UTRN: variants seen among roughly 807,000 people sequenced by gnomAD.
UTRN encodes utrophin, also known as dystrophin-related protein 1.
Under a neutral mutation model 463.9 loss-of-function variants are expected in UTRN, and 283 were observed. The observed-to-expected ratio is 0.61, with a 90% CI of 0.55 to 0.67. UTRN has a LOEUF of 0.67. Among genes scored for constraint, UTRN ranks in the 30% least tolerant of loss-of-function variants. The pLI is 0.00. For synonymous variants in UTRN, 1,442 were observed against 1,431.5 expected, an observed-to-expected ratio of 1.01 and a Z score of -0.17; for missense variants, 3,922 against 4,084.3, an observed-to-expected ratio of 0.96 and a Z score of 1.08.
intron 27 of UTRN, among the ~76,000 whole-genome samples, chr6:144,484,876 C>T (rs1018589752): frequency 3.3e-5 from 5 of 152,008 alleles, no homozygotes; most frequent in African/African-American, 1.2e-4. Context: ...CTTTGCTCCC[C>T]ACCCTTCACC....
At chr6:144,612,740 C>A (rs1805656674) in intron 51 of UTRN, among the ~76,000 whole-genome samples, 1 of 151,980 alleles carries the variant, frequency 6.6e-6, no homozygotes, top group African/African-American at 2.4e-5. Context: ...GAAAAGAACT[C>A]ATATATTGTG....
chr6:144,308,722 C>A (rs1805976199), intron 2 of UTRN, among the ~76,000 whole-genome samples: 2 of 152,310 alleles, frequency 1.3e-5, no homozygotes, highest in South Asian at 4.1e-4. Flanking sequence ...TACCCATCCT[C>A]CTTTACTTAC....
chr6:144,499,167 G>A (rs1793949495), intron 33 of UTRN, 90 bp from the exon 34 acceptor site: 1 of 1,390,768 alleles, frequency 7.2e-7, no homozygotes, highest in Non-Finnish European at 9.8e-7. Flanking sequence ...ATATGAATCA[G>A]TTTGGATCTT....
chr6:144,343,411 A>AC (rs1562270899), intron 2 of UTRN, among the ~76,000 whole-genome samples: 2 of 126,114 alleles, frequency 1.6e-5, no homozygotes, highest in African/African-American at 7.1e-5. Flanking sequence ...CACACACACA[A>AC]TAGCCGGGCA....
intron 41 of UTRN, among the ~76,000 whole-genome samples, chr6:144,530,213 G>C (rs1796918676): frequency 6.6e-6 from 1 of 152,166 alleles, no homozygotes; most frequent in African/African-American, 2.4e-5. Context: ...CAAGATCAAG[G>C]TGCCAGTAGA....
chr6:144,558,897 C>T lies in UTRN; in HGVS notation c.7289+1586C>T, dbSNP rs892117798. Among the ~76,000 whole-genome samples the T allele has an allele frequency of 5.3e-5, 8 of 152,016 alleles. No homozygotes were observed. The South Asian group carries it at 6.2e-4, about 12-fold the overall frequency. ...CAGGAACTGTGGATGAAAACATATACGTATTACAGTAAGTACGATGAATAA... is the reference window on the plus strand; with the variant it reads ...CAGGAACTGTGGATGAAAACATATATGTATTACAGTAAGTACGATGAATAA... On this transcript the variant is annotated intron_variant, in intron 50 of 74. Coordinates refer to ENST00000367545, the MANE Select transcript of UTRN (RefSeq NM_007124.3).
chr6:144,675,168 C>T (rs1292149981), intron 51 of UTRN, among the ~76,000 whole-genome samples: 1 of 152,140 alleles, frequency 6.6e-6, no homozygotes, highest in African/African-American at 2.4e-5. Context: ...GTAGTGGTCT[C>T]CCCCTTCCCC....
At position 144,852,955 on chromosome 6, in the gene UTRN, T is replaced by TAAAG. The variant is rs1380454265; in HGVS notation, c.*1961_*1964dup. ...TATGTAGTTCTTTTGAAATATGTGG[T>TAAAG]AAAGAACTAATCACAGACTATCATC... On this transcript the variant is annotated 3_prime_UTR_variant, in exon 75 of 75. Transcript: ENST00000367545. 3.3e-5 allele frequency: 5 copies of TAAAG among 152,410 alleles called. No individual in the cohort carries two copies. The highest frequency in any genetic ancestry group is 7.4e-5 in the Non-Finnish European group (5 of 68,014). The allele number at this position is 152,410 out of a possible 1,614,324, so 9.4% of individuals were successfully genotyped here. A position where few individuals can be genotyped will look rare whatever the true frequency, so the allele number is the denominator to read the frequency against.
intron 58 of UTRN, among the ~76,000 whole-genome samples, chr6:144,771,172 A>T (rs934516481): frequency 1.3e-5 from 2 of 152,202 alleles, no homozygotes; most frequent in African/African-American, 2.4e-5. Context: ...TGACAGTCAC[A>T]TTTTATATCT....
intron 73 of UTRN, among the ~76,000 whole-genome samples, chr6:144,844,476 C>A (rs1781855685): frequency 1.3e-5 from 2 of 152,078 alleles, no homozygotes; most frequent in Admixed American, 1.3e-4. Flanking sequence ...ACCATGTTGG[C>A]CAGGCTGGTC....
chr6:144,397,475 C>T (rs1487637144), intron 2 of UTRN, among the ~76,000 whole-genome samples: 1 of 152,066 alleles, frequency 6.6e-6, no homozygotes, highest in Non-Finnish European at 1.5e-5. Flanking sequence ...TATATTTTAA[C>T]TCCATACCCT....
chr6:144,558,304 C>T (rs562917322), intron 50 of UTRN, among the ~76,000 whole-genome samples: 2 of 152,164 alleles, frequency 1.3e-5, no homozygotes, highest in Admixed American at 1.3e-4. Context: ...TTAGATATAC[C>T]TTGGATACTG....
Position 144,772,038 on chromosome 6 carries a change from T to TTTGA in UTRN, c.8557+72_8557+73insGATT, listed in dbSNP as rs1794110350. 6 of 1,089,794 alleles carry TTTGA rather than the reference T, an allele frequency of 5.5e-6. No individual in the cohort carries two copies. The African/African-American group carries it at 1.1e-4, about 20-fold the overall frequency. 67.5% of individuals were successfully genotyped at this position (1,089,794 alleles called of 1,614,324 possible). ...CCGGTTTTTTTTTTTTTTTTTTTTT[T>TTTGA]TTTTTTTTTTTTTTTAAGGTGGATT... On this transcript the variant is annotated intron_variant, in intron 59 of 74. Coordinates refer to ENST00000367545, the MANE Select transcript of UTRN (RefSeq NM_007124.3).
intron 53 of UTRN, among the ~76,000 whole-genome samples, chr6:144,727,009 C>T (rs1215217360): frequency 6.6e-6 from 1 of 152,204 alleles, no homozygotes; most frequent in East Asian, 1.9e-4. Flanking sequence ...TCCCCACACC[C>T]CTGCACAATG....
intron 18 of UTRN, among the ~76,000 whole-genome samples, 165 bp downstream of exon 18, chr6:144,451,658 A>G (rs879577419): frequency 6.6e-6 from 1 of 150,966 alleles, no homozygotes; most frequent in Non-Finnish European, 1.5e-5. Context: ...CATTCATGCT[A>G]GCTGTCATCA....
chr6:144,359,563 G>A (rs1398728363), intron 2 of UTRN, among the ~76,000 whole-genome samples: 5 of 152,172 alleles, frequency 3.3e-5, no homozygotes, highest in African/African-American at 1.2e-4. Context: ...AAATATGCCA[G>A]TATCTCTGAG....
At chr6:144,346,915 A>G (rs918576518) in intron 2 of UTRN, among the ~76,000 whole-genome samples, 1 of 149,696 alleles carries the variant, frequency 6.7e-6, no homozygotes, top group African/African-American at 2.5e-5. Context: ...TCATCTATCT[A>G]TCTATCGATC....
chr6:144,642,145 T>A (rs908453094), intron 51 of UTRN, among the ~76,000 whole-genome samples: 1 of 152,196 alleles, frequency 6.6e-6, no homozygotes. Context: ...GGTCTGAACT[T>A]CTCTTTTTAT....
rs71028315 is a variant in UTRN, at chr6:144,830,735, T to TG, written c.9665+1880_9665+1881insG. Among the ~76,000 whole-genome samples, 17 of 150,910 alleles carry TG rather than the reference T, an allele frequency of 1.1e-4. 1 individual carries two copies. In the South Asian group the frequency reaches 2.1e-3, roughly 19 times the overall value. On this transcript the variant is annotated intron_variant, in intron 69 of 74. Transcript: ENST00000367545. ...TTTTTGTTTTTTGTTTTTTGTTTTT[T>TG]TTTTGCTTTTTTAGCTCATCAGCTA... is the stretch of plus-strand genomic sequence containing the variant.
Sources: gnomAD v4.1 joint callset for allele counts (sites outside exome capture counted in the v4.1 genomes callset) on GRCh38, gnomAD v4.1.1 for gene constraint, MANE v1.5 for transcripts, NCBI Gene and HGNC (gene_info 2026-07-23, HGNC 2026-07-21) for gene names.